Variants in RAD54L observed in about 807,000 individuals in gnomAD.
The protein encoded by RAD54L is RAD54 like, also known as DNA repair and recombination protein RAD54-like.
Under a neutral mutation model 91.6 loss-of-function variants are expected in RAD54L, and 74 were observed. The ratio of observed to expected loss-of-function variants is 0.81; its 90% confidence interval spans 0.67 to 0.98. The LOEUF (loss-of-function observed/expected upper bound fraction) is 0.98, where lower values mean the gene tolerates loss of function less well. Ranked by LOEUF, RAD54L falls within the 50% of genes least tolerant of loss-of-function variation. The pLI is 0.00. For missense variants in RAD54L, 887 were observed against 945.7 expected (o/e 0.94, Z 0.81); for synonymous variants, 304 against 349.7 (o/e 0.87, Z 1.46).
intron 3 of RAD54L, among the ~76,000 whole-genome samples, chr1:46,255,425 C>T (rs1258765305): frequency 2.0e-5 from 3 of 151,664 alleles, no homozygotes; most frequent in Non-Finnish European, 4.4e-5. Context: ...AGAGCATGCT[C>T]CCTCCCCTGC....
intron 9 of RAD54L, among the ~76,000 whole-genome samples, chr1:46,269,399 C>T (rs1475828017): frequency 6.6e-6 from 1 of 151,162 alleles, no homozygotes; most frequent in Non-Finnish European, 1.5e-5. Context: ...GCCTTAACTT[C>T]CGGGCTCTAG....
At chr1:46,258,409 G>T (rs1481568319) in intron 3 of RAD54L, among the ~76,000 whole-genome samples, 1 of 152,148 alleles carries the variant, frequency 6.6e-6, no homozygotes, top group Non-Finnish European at 1.5e-5. Flanking sequence ...ACTCAGGTTG[G>T]CTAAGTCTGT....
chr1:46,254,063 C>T (rs1172857148), intron 3 of RAD54L, among the ~76,000 whole-genome samples: 2 of 152,020 alleles, frequency 1.3e-5, no homozygotes, highest in Non-Finnish European at 2.9e-5. Flanking sequence ...CAACCTCTGC[C>T]TCCCAGGTTC....
At chr1:46,274,782 G>T (rs1179718382) in intron 16 of RAD54L, 65 bp downstream of exon 16, 1 of 1,591,796 alleles carries the variant, frequency 6.3e-7, no homozygotes, top group East Asian at 2.2e-5. Context: ...GGACCATCTT[G>T]TTCCTTAGTG....
At chr1:46,250,541 TTAAG>T (rs1196033149) in intron 3 of RAD54L, among the ~76,000 whole-genome samples, 2 of 152,092 alleles carry the variant, frequency 1.3e-5, no homozygotes, top group Admixed American at 6.6e-5. Flanking sequence ...CTCAGAAGGG[TTAAG>T]TAATTTGCTC....
chr1:46,277,710 C>T, intron 16 of RAD54L, 107 bp from the exon 17 acceptor site: 2 of 1,285,140 alleles, frequency 1.6e-6, no homozygotes. Flanking sequence ...TTATTCATCT[C>T]CTCTTCTCGG....
Position 46,278,116 on chromosome 1 carries a change from C to T in RAD54L, c.2078C>T (p.Pro693Leu), listed in dbSNP as rs752210354. The T allele has an allele frequency of 2.5e-6, 4 of 1,613,846 alleles. No homozygotes were observed. Among genetic ancestry groups the T allele is most frequent in the Admixed American group, 3.3e-5 (2 of 59,980 alleles). The change falls in exon 18 of 18, where the codon CCC becomes CTC. Residue 693 changes from proline to leucine, a missense_variant. Physicochemically the swap from Pro to Leu is moderately conservative, Grantham distance 98. Transcript: ENST00000371975. ...RCVNSRQIRP[P>L]PDGSDCTSDL... ...GTCAACAGCCGTCAGATCCGGCCACCCCCTGATGGTTCTGACTGCACTTCA... is the reference window on the plus strand; with the variant it reads ...GTCAACAGCCGTCAGATCCGGCCACTCCCTGATGGTTCTGACTGCACTTCA...
Position 46,278,159 on chromosome 1 carries a change from C to T in RAD54L, c.2121C>T (p.Asn707=), listed in dbSNP as rs755155936. 3.7e-6 allele frequency: 6 copies of T among 1,613,804 alleles called. No individual in the cohort carries two copies. Among genetic ancestry groups the T allele is most frequent in the Non-Finnish European group, 8.5e-7 (1 of 1,179,872 alleles). The part of the protein sequence containing the change: ...SDCTSDLAGW[N]HCTDKWGLRD... ...GCACTTCAGACCTGGCAGGGTGGAA[C>T]CACTGCACTGATAAGTGGGGGCTCC... Residue 707 remains asparagine (N), a synonymous_variant, in exon 18 of 18, where the codon AAC becomes AAT. Transcript: ENST00000371975.
Position 46,273,392 on chromosome 1 carries a change from G to A in RAD54L, c.1413G>A (p.Glu471=). The change falls in exon 13 of 18, where the codon GAG becomes GAA. Residue 471 remains glutamate (E), a synonymous_variant. Coordinates refer to ENST00000371975, the MANE Select transcript of RAD54L (RefSeq NM_003579.4). ...ALIYDKCVEE[E]DGFVGALDLF... ...TCTATGATAAGTGTGTGGAAGAGGA[G>A]GATGGCTTTGTGGGTGCCTTGGACC... 1 of 1,613,914 alleles carries A rather than the reference G, an allele frequency of 6.2e-7. No homozygotes were observed. The highest frequency in any genetic ancestry group is 8.5e-7 in the Non-Finnish European group (1 of 1,179,788).
chr1:46,274,561 G>T lies in RAD54L; in HGVS notation c.1713G>T (p.Leu571=). The stretch of plus-strand genomic sequence containing the variant: ...AGAGCCCTGACTTTGTCTTCATGCT[G>T]AGCAGCAAAGCTGGGGGCTGTGGCC... The part of the protein sequence containing the change: ...SPSSPDFVFM[L]SSKAGGCGLN... The change falls in exon 16 of 18, where the codon CTG becomes CTT. Residue 571 remains leucine (L), a synonymous_variant. Transcript: ENST00000371975. 1 of 1,613,162 alleles carries T rather than the reference G, an allele frequency of 6.2e-7. No homozygotes were observed. The highest frequency in any genetic ancestry group is 1.7e-5 in the Admixed American group (1 of 60,006).
chr1:46,253,604 ACT>A (rs1047717449), intron 3 of RAD54L, among the ~76,000 whole-genome samples: 29 of 151,102 alleles, frequency 1.9e-4, no homozygotes, highest in African/African-American at 7.0e-4. Flanking sequence ...ACAGAGCGAG[ACT>A]CTGTCTAAAA....
intron 16 of RAD54L, among the ~76,000 whole-genome samples, chr1:46,277,204 G>A (rs1158251008): frequency 6.6e-6 from 1 of 152,182 alleles, no homozygotes; most frequent in Non-Finnish European, 1.5e-5. Flanking sequence ...TAGGCCAGTA[G>A]TATTCCTTTG....
At chr1:46,257,160 A>C (rs1030152907) in intron 3 of RAD54L, among the ~76,000 whole-genome samples, 9 of 151,840 alleles carry the variant, frequency 5.9e-5, no homozygotes, top group African/African-American at 1.2e-4. Flanking sequence ...AAAAAAAAAA[A>C]AAACCCCAAA....
In RAD54L at chr1:46,260,067, G is replaced by C. The variant is rs554436023; in HGVS notation, c.375G>C (p.Pro125=). Residue 125 remains proline (P), a synonymous_variant, in exon 5 of 18, where the codon CCG becomes CCC. Coordinates refer to ENST00000371975, the MANE Select transcript of RAD54L (RefSeq NM_003579.4). ...KDALVLYEPP[P]LSAHDQLKLD... ...CCTTGGTTCTGTATGAGCCTCCCCC[G>C]CTGAGCGCTCATGACCAGCTGAAGC... The C allele has an allele frequency of 6.2e-7, 1 of 1,614,180 alleles. No individual in the cohort carries two copies.
At chr1:46,251,103 G>GT (rs1277916566) in intron 3 of RAD54L, among the ~76,000 whole-genome samples, 19 of 152,284 alleles carry the variant, frequency 1.2e-4, no homozygotes, top group African/African-American at 4.6e-4. Context: ...GAGGTCAGGA[G>GT]TTCAAGACCA....
At position 46,272,741 on chromosome 1, in the gene RAD54L, T is replaced by G. The variant is rs1660470298; in HGVS notation, c.1314T>G (p.Leu438=). 1 of 1,614,060 alleles carries G rather than the reference T, an allele frequency of 6.2e-7. No homozygotes were observed. Among genetic ancestry groups the G allele is most frequent in the Non-Finnish European group, 8.5e-7 (1 of 1,180,026 alleles). ...AAGCCAAACCGGCAGAAGAATTGCTTGAGGGCAAGATGAGTGTGTCTTCCC... is the reference window on the plus strand; with the variant it reads ...AAGCCAAACCGGCAGAAGAATTGCTGGAGGGCAAGATGAGTGTGTCTTCCC... ...LRQAKPAEEL[L]EGKMSVSSLS... Residue 438 remains leucine (L), a synonymous_variant, in exon 12 of 18, where the codon CTT becomes CTG. Coordinates refer to ENST00000371975, the MANE Select transcript of RAD54L (RefSeq NM_003579.4).
intron 16 of RAD54L, among the ~76,000 whole-genome samples, chr1:46,275,718 A>G (rs1404640291): frequency 6.6e-6 from 1 of 152,176 alleles, no homozygotes; most frequent in Non-Finnish European, 1.5e-5. Context: ...CTACTCACTC[A>G]TCAGACTCCT....
At chr1:46,274,431 A>T in intron 15 of RAD54L, 107 bp from the exon 16 acceptor site, 1 of 1,391,252 alleles carries the variant, frequency 7.2e-7, no homozygotes, top group Non-Finnish European at 1.0e-6. Context: ...GGTTTTCACA[A>T]TTGGTACTGA....
intron 10 of RAD54L, 22 bp from the exon 11 acceptor site, chr1:46,272,444 C>G (rs1660458825): frequency 6.3e-7 from 1 of 1,582,470 alleles, no homozygotes; most frequent in Admixed American, 1.7e-5. Context: ...AGCCTCTTGC[C>G]TTTTTATCCT....
Sources: allele counts gnomAD v4.1 joint callset (sites outside exome capture counted in the v4.1 genomes callset), GRCh38; gene constraint gnomAD v4.1.1; transcripts MANE v1.5; gene names NCBI Gene and HGNC (gene_info 2026-07-23, HGNC 2026-07-21).